ZNF605: variants seen among roughly 807,000 people sequenced by gnomAD.
ZNF605 encodes the protein zinc finger protein 605.
ZNF605 carries 9 observed loss-of-function variants against 7.9 expected under a neutral mutation model. That is an observed-to-expected ratio of 1.14 (90% CI 0.68 to 1.98). The LOEUF is 1.98. Ranked by LOEUF, ZNF605 falls within the 30% of genes most tolerant of loss-of-function variation. The pLI, the probability that ZNF605 is intolerant of heterozygous loss-of-function variation, is 0.00. For missense variants in ZNF605, 673 were observed against 762.4 expected, an observed-to-expected ratio of 0.88 and a Z score of 1.38; for synonymous variants, 255 against 260.1, an observed-to-expected ratio of 0.98 and a Z score of 0.19.
rs1952180488 is a variant in ZNF605 at position 132,918,953 on chromosome 12, CAG to C, written c.*6418_*6419del. The C allele has an allele frequency of 6.6e-6, 1 of 152,224 alleles. No individual in the cohort carries two copies. Among genetic ancestry groups the C allele is most frequent in the Non-Finnish European group, 1.5e-5 (1 of 68,078 alleles). 9.4% of individuals were successfully genotyped at this position (152,224 alleles called of 1,614,324 possible). A position where few individuals can be genotyped will look rare whatever the true frequency, so the allele number is the denominator to read the frequency against. On this transcript the variant is annotated 3_prime_UTR_variant, in exon 5 of 5. Transcript: ENST00000360187. ...CATCTCAGCCAACATCATCTTCTTA[CAG>C]AATCTGCTTCATACAAACGCATTAC... is the stretch of plus-strand genomic sequence containing the variant.
intron 1 of ZNF605, among the ~76,000 whole-genome samples, chr12:132,949,919 G>T (rs1223391008): frequency 6.6e-6 from 1 of 152,192 alleles, no homozygotes; most frequent in Non-Finnish European, 1.5e-5. Flanking sequence ...TTTCTAGTCC[G>T]CAGTGTGAAG....
intron 3 of ZNF605, among the ~76,000 whole-genome samples, chr12:132,935,853 A>G (rs1401530770): frequency 2.1e-5 from 3 of 143,190 alleles, no homozygotes; most frequent in Non-Finnish European, 4.5e-5. Flanking sequence ...AGATCGTACC[A>G]CTGGACTCCA....
Position 132,938,364 on chromosome 12 carries a change from G to A in ZNF605, c.16-5209C>T, listed in dbSNP as rs1233923516. 5.9e-5 allele frequency among the ~76,000 whole-genome samples: 9 copies of A among 151,564 alleles called. No individual in the cohort carries two copies. In the East Asian group the frequency reaches 9.7e-4, roughly 16 times the overall value. On this transcript the variant is annotated intron_variant, in intron 3 of 4. Coordinates refer to ENST00000360187, the MANE Select transcript of ZNF605 (RefSeq NM_183238.4). The stretch of plus-strand genomic sequence containing the variant: ...TGCCCAGGCTGGGGTGAAGTGGCAC[G>A]ATCTCGACTCACTGCAACCTCTGCC...
chr12:132,937,267 G>T (rs1205303877), intron 3 of ZNF605, among the ~76,000 whole-genome samples: 1 of 149,486 alleles, frequency 6.7e-6, no homozygotes, highest in African/African-American at 2.5e-5. Context: ...GCTAAGGGAG[G>T]ATAATTGCTT....
intron 3 of ZNF605, among the ~76,000 whole-genome samples, chr12:132,935,666 G>A (rs1952356965): frequency 6.6e-6 from 1 of 152,062 alleles, no homozygotes; most frequent in African/African-American, 2.4e-5. Flanking sequence ...GCCGAGGCAG[G>A]TGGATCACGA....
intron 3 of ZNF605, among the ~76,000 whole-genome samples, chr12:132,942,513 C>A (rs1206617215): frequency 3.3e-5 from 5 of 152,210 alleles, no homozygotes; most frequent in African/African-American, 1.2e-4. Flanking sequence ...CCAGGCAGGC[C>A]CTCTGAAGTC....
In ZNF605 at chr12:132,935,870, G is replaced by A. The variant is rs113906226; in HGVS notation, c.16-2715C>T. Reference sequence around the variant, plus strand: ...ATCGTACCACTGGACTCCAGCCTGGGTGACAGAGTGAGACTCTGTCTTAAA... The same window carrying A: ...ATCGTACCACTGGACTCCAGCCTGGATGACAGAGTGAGACTCTGTCTTAAA... On this transcript the variant is annotated intron_variant, in intron 3 of 4. Transcript: ENST00000360187. 3.7e-3 allele frequency among the ~76,000 whole-genome samples: 524 copies of A among 140,686 alleles called. 8 individuals are homozygous for A. The highest frequency in any genetic ancestry group is 0.013 in the African/African-American group (498 of 37,416). 92.3% of individuals were successfully genotyped at this position (140,686 alleles called of 152,430 possible).
rs1161316083 is a variant in ZNF605, at chr12:132,941,824, G to A, written c.15+3797C>T. Among the ~76,000 whole-genome samples the A allele has an allele frequency of 6.6e-6, 1 of 150,660 alleles. No homozygotes were observed. The highest frequency in any genetic ancestry group is 1.5e-5 in the Non-Finnish European group (1 of 67,688). On this transcript the variant is annotated intron_variant, in intron 3 of 4. Coordinates refer to ENST00000360187, the MANE Select transcript of ZNF605 (RefSeq NM_183238.4). This position sits in a 1 kb window ranked among gnomAD's most constrained non-coding sequence, Gnocchi z 5.1. The stretch of plus-strand genomic sequence containing the variant: ...GCTGCCCTCTGTCACGCTCCTTCTC[G>A]AGGCTGCCCTCCATCACGCGTCCTT...
chr12:132,955,855 AG>A (rs1423439207), intron 1 of ZNF605, among the ~76,000 whole-genome samples: 2 of 151,976 alleles, frequency 1.3e-5, no homozygotes, highest in East Asian at 3.9e-4. Flanking sequence ...CCTGGGGCCA[AG>A]GGCAACCTCG....
intron 1 of ZNF605, among the ~76,000 whole-genome samples, chr12:132,951,093 C>T (rs896549837): frequency 3.3e-5 from 5 of 151,698 alleles, no homozygotes; most frequent in East Asian, 2.0e-4. Context: ...ACGTACATCA[C>T]GCATACTCAC....
chr12:132,944,508 A>G (rs1241587581), intron 3 of ZNF605, among the ~76,000 whole-genome samples: 8 of 152,156 alleles, frequency 5.3e-5, no homozygotes, highest in African/African-American at 1.4e-4. Context: ...TCCAAAACAC[A>G]TCAACATTCC....
chr12:132,946,699 G>A (rs7133975), intron 2 of ZNF605, among the ~76,000 whole-genome samples: 66,106 of 152,002 alleles, frequency 0.43, 14,617 homozygotes, highest in African/African-American at 0.49. Context: ...TGGGAGTTGC[G>A]GGAGTGGCAA....
At chr12:132,928,771 G>A (rs2137127187) in intron 4 of ZNF605, among the ~76,000 whole-genome samples, 1 of 152,288 alleles carries the variant, frequency 6.6e-6, no homozygotes, top group East Asian at 1.9e-4. Context: ...CAGCACTTTG[G>A]GAGGCTGAGG....
At chr12:132,934,769 A>G (rs1278611) in intron 3 of ZNF605, among the ~76,000 whole-genome samples, 62,385 of 150,680 alleles carry the variant, frequency 0.41, 14,318 homozygotes, top group Middle Eastern at 0.55. Flanking sequence ...AATGAGTAGA[A>G]AAAAATCACA....
At chr12:132,951,328 G>A (rs1251208572) in intron 1 of ZNF605, among the ~76,000 whole-genome samples, 4 of 146,800 alleles carry the variant, frequency 2.7e-5, no homozygotes, top group Middle Eastern at 3.6e-3. Flanking sequence ...TGATACACAC[G>A]TACATCACAC....
rs1372765058 is a variant in ZNF605 at position 132,939,734 on chromosome 12, C to G, written c.15+5887G>C. On this transcript the variant is annotated intron_variant, in intron 3 of 4. Coordinates refer to ENST00000360187, the MANE Select transcript of ZNF605 (RefSeq NM_183238.4). ...CGCTCGGGTCCTCTTCCACACTGTG[C>G]AGGCTTTGTTCTTTCGCTCTTTGCA... is the stretch of plus-strand genomic sequence containing the variant. Among the ~76,000 whole-genome samples the G allele has an allele frequency of 1.8e-4, 27 of 152,240 alleles. No individual in the cohort carries two copies. In the Middle Eastern group the frequency reaches 0.01, roughly 58 times the overall value.
intron 4 of ZNF605, 115 bp downstream of exon 4, chr12:132,932,920 C>T: frequency 7.2e-7 from 1 of 1,393,828 alleles, no homozygotes; most frequent in Non-Finnish European, 9.6e-7. Context: ...GAAAATCTTT[C>T]AATTCAGTAT....
chr12:132,923,567 T>C lies in ZNF605; in HGVS notation c.*1806A>G, dbSNP rs1952221553. 6.6e-6 allele frequency: 1 copy of C among 152,250 alleles called. No homozygotes were observed. Among genetic ancestry groups the C allele is most frequent in the Non-Finnish European group, 1.5e-5 (1 of 68,036 alleles). The allele number at this position is 152,250 out of a possible 1,614,324, so 9.4% of individuals were successfully genotyped here. The stretch of plus-strand genomic sequence containing the variant: ...TCACCAGAAATATGCTGCCATTCTT[T>C]GTTCATGTGTATGTATTATCTTTTT... On this transcript the variant is annotated 3_prime_UTR_variant, in exon 5 of 5. Coordinates refer to ENST00000360187, the MANE Select transcript of ZNF605 (RefSeq NM_183238.4).
rs1438909368 is a variant in ZNF605, at chr12:132,950,878, C to T, written c.-285-2608G>A. 2.6e-5 allele frequency among the ~76,000 whole-genome samples: 4 copies of T among 151,158 alleles called. No individual in the cohort carries two copies. In the East Asian group the frequency reaches 7.8e-4, roughly 30 times the overall value. On this transcript the variant is annotated intron_variant, in intron 1 of 4. Coordinates refer to ENST00000360187, the MANE Select transcript of ZNF605 (RefSeq NM_183238.4). ...ATGTACAGACACACTGATACAAATA[C>T]ATCACACATACTCACAGACGCACAC...
Sources: allele counts gnomAD v4.1 joint callset (sites outside exome capture counted in the v4.1 genomes callset), GRCh38; gene constraint gnomAD v4.1.1; non-coding constraint Gnocchi (gnomAD v3.1); transcripts MANE v1.5; gene names NCBI Gene and HGNC (gene_info 2026-07-23, HGNC 2026-07-21).